Variants in FBXO11 observed in about 807,000 individuals in gnomAD.
FBXO11 encodes the protein F-box only protein 11.
Under a neutral mutation model 117.0 loss-of-function variants are expected in FBXO11, and 13 were observed. The ratio of observed to expected loss-of-function variants is 0.11; its 90% CI spans 0.07 to 0.18. FBXO11 has a LOEUF of 0.18. FBXO11 is among the 10% of genes least tolerant of loss of function. FBXO11 has a pLI of 1.00. For missense variants in FBXO11, 767 were observed against 1,164.4 expected (o/e 0.66, Z 4.97); for synonymous variants, 490 against 380.5 (o/e 1.29, Z -3.35).
chr2:47,843,706 T>A (rs1257152355), intron 1 of FBXO11, among the ~76,000 whole-genome samples: 1 of 152,128 alleles, frequency 6.6e-6, no homozygotes, highest in Non-Finnish European at 1.5e-5. Flanking sequence ...TTTCTTACTT[T>A]TATGGATTAC....
chr2:47,898,989 A>G (rs1043389536), intron 1 of FBXO11, among the ~76,000 whole-genome samples: 3 of 152,070 alleles, frequency 2.0e-5, no homozygotes, highest in Non-Finnish European at 4.4e-5. Flanking sequence ...AATTGGTATA[A>G]GGGGGCCAGG....
At chr2:47,878,492 G>T (rs1375796434) in intron 1 of FBXO11, among the ~76,000 whole-genome samples, 1 of 151,918 alleles carries the variant, frequency 6.6e-6, no homozygotes, top group Admixed American at 6.6e-5. Context: ...GAGTAGCTGG[G>T]ATTACAGGTG....
chr2:47,876,486 C>T (rs1676014611), intron 1 of FBXO11, among the ~76,000 whole-genome samples: 1 of 152,080 alleles, frequency 6.6e-6, no homozygotes, highest in African/African-American at 2.4e-5. Flanking sequence ...TCACTTTGGG[C>T]CTCATTCTTG....
intron 11 of FBXO11, among the ~76,000 whole-genome samples, chr2:47,827,958 A>T (rs1167595882): frequency 6.6e-6 from 1 of 151,920 alleles, no homozygotes; most frequent in African/African-American, 2.4e-5. Context: ...CAGCCTCCCA[A>T]AGTGCTGCGA....
Position 47,806,921 on chromosome 2 carries a change from T to G in FBXO11, c.*1197A>C. On this transcript the variant is annotated 3_prime_UTR_variant, in exon 23 of 23. Coordinates refer to ENST00000403359, the MANE Select transcript of FBXO11 (RefSeq NM_001190274.2). Reference sequence around the variant, plus strand: ...CAAAGGTGGTAAATTCAGACAACATTATGATCTAATAAACTTTATTTTTTA... The same window carrying G: ...CAAAGGTGGTAAATTCAGACAACATGATGATCTAATAAACTTTATTTTTTA... 8.4e-7 allele frequency: 1 copy of G among 1,197,062 alleles called. No individual in the cohort carries two copies. Among genetic ancestry groups the G allele is most frequent in the South Asian group, 1.3e-5 (1 of 79,254 alleles). The allele number at this position is 1,197,062 out of a possible 1,614,324, so 74.2% of individuals were successfully genotyped here.
intron 1 of FBXO11, among the ~76,000 whole-genome samples, chr2:47,898,510 CT>C (rs1334809683): frequency 6.6e-6 from 1 of 152,150 alleles, no homozygotes; most frequent in Non-Finnish European, 1.5e-5. Flanking sequence ...AGTTAATACC[CT>C]TTATTCATAA....
chr2:47,898,726 G>C (rs548521630), intron 1 of FBXO11, among the ~76,000 whole-genome samples: 45 of 152,284 alleles, frequency 3.0e-4, no homozygotes, highest in African/African-American at 1.0e-3. Context: ...GACTAGTGCA[G>C]CCATCTCCAA....
At chr2:47,904,487 G>A (rs369360273) in intron 1 of FBXO11, among the ~76,000 whole-genome samples, 1 of 152,122 alleles carries the variant, frequency 6.6e-6, no homozygotes, top group Non-Finnish European at 1.5e-5. Context: ...TCAGCCCTTA[G>A]ACAATGGTGG....
chr2:47,823,567 A>T (rs1671533720), intron 11 of FBXO11, among the ~76,000 whole-genome samples: 2 of 152,122 alleles, frequency 1.3e-5, no homozygotes, highest in Non-Finnish European at 2.9e-5. Flanking sequence ...AGCCTGGCCA[A>T]CATGGTGAAA....
chr2:47,900,845 T>TGTATATATATACACGTATACACACACAC (rs1678166967), intron 1 of FBXO11, among the ~76,000 whole-genome samples: 1 of 125,060 alleles, frequency 8.0e-6, no homozygotes. Context: ...TACACACACG[T>TGTATATATATACACGTATACACACACAC]GTATATATAT....
intron 1 of FBXO11, among the ~76,000 whole-genome samples, chr2:47,899,289 AAAAAG>A (rs1181919583): frequency 9.2e-5 from 14 of 152,042 alleles, no homozygotes; most frequent in African/African-American, 3.1e-4. Flanking sequence ...AAAAAAAAAA[AAAAAG>A]AATTGGTATA....
In FBXO11 at chr2:47,807,979, A is replaced by G. The variant is rs1437939782; in HGVS notation, c.*139T>C. On this transcript the variant is annotated 3_prime_UTR_variant, in exon 23 of 23. Transcript: ENST00000403359. ...CTTTCTTTTTGGTAGCTTGAGCTTC[A>G]TAGTGTCAACTGACCTTGTGTATCC... The G allele has an allele frequency of 1.3e-6, 1 of 751,690 alleles. No homozygotes were observed. Among genetic ancestry groups the G allele is most frequent in the Non-Finnish European group, 2.2e-6 (1 of 463,316 alleles). The allele number at this position is 751,690 out of a possible 1,614,324, so 46.6% of individuals were successfully genotyped here.
chr2:47,815,669 G>A (rs543457780), intron 16 of FBXO11, among the ~76,000 whole-genome samples: 1 of 152,210 alleles, frequency 6.6e-6, no homozygotes, highest in Admixed American at 6.5e-5. Flanking sequence ...AGCAAAGCCT[G>A]GTTGAAATTG....
chr2:47,875,528 T>C (rs976594976), intron 1 of FBXO11, among the ~76,000 whole-genome samples: 1 of 151,506 alleles, frequency 6.6e-6, no homozygotes, highest in Non-Finnish European at 1.5e-5. Context: ...TATAAATAAT[T>C]GATAAGTAAT....
chr2:47,903,852 G>C (rs987308505), intron 1 of FBXO11, among the ~76,000 whole-genome samples: 6 of 152,162 alleles, frequency 3.9e-5, no homozygotes, highest in Non-Finnish European at 8.8e-5. Flanking sequence ...AACATCAGAA[G>C]AACACTGATA....
intron 1 of FBXO11, among the ~76,000 whole-genome samples, chr2:47,893,790 G>A (rs1194267738): frequency 6.6e-6 from 1 of 152,134 alleles, no homozygotes; most frequent in African/African-American, 2.4e-5. Flanking sequence ...TCTGGAAAAA[G>A]GGAAGACACA....
At chr2:47,821,453 A>G (rs1671372556) in intron 13 of FBXO11, among the ~76,000 whole-genome samples, 1 of 152,068 alleles carries the variant, frequency 6.6e-6, no homozygotes, top group East Asian at 1.9e-4. Context: ...TACTAAAAAT[A>G]CAAAAAATTA....
intron 18 of FBXO11, among the ~76,000 whole-genome samples, chr2:47,811,896 T>C (rs530485119): frequency 6.6e-6 from 1 of 152,330 alleles, no homozygotes; most frequent in East Asian, 1.9e-4. Flanking sequence ...TGTGAGCCAC[T>C]GTGCCCAGTT....
At chr2:47,822,174 A>AGT in intron 13 of FBXO11, 44 bp downstream of exon 13, 1 of 1,255,120 alleles carries the variant, frequency 8.0e-7, no homozygotes, top group Non-Finnish European at 1.1e-6. Context: ...TATCAAGAAG[A>AGT]CATACAAATC....
Sources: gnomAD v4.1 joint callset for allele counts (sites outside exome capture counted in the v4.1 genomes callset) on GRCh38, gnomAD v4.1.1 for gene constraint, MANE v1.5 for transcripts, NCBI Gene and HGNC (gene_info 2026-07-23, HGNC 2026-07-21) for gene names.